The following DOCK9 variants were observed in gnomAD, a reference collection of about 807,000 sequenced individuals.
DOCK9 encodes the protein dedicator of cytokinesis protein 9.
Under a neutral mutation model 263.3 loss-of-function variants are expected in DOCK9, and 89 were observed. The observed-to-expected ratio is 0.34, with a 90% CI of 0.28 to 0.40. The LOEUF (loss-of-function observed/expected upper bound fraction) is 0.40, where lower values mean the gene tolerates loss of function less well. Ranked by LOEUF, DOCK9 falls within the 10% of genes least tolerant of loss-of-function variation. The pLI, the probability that DOCK9 is intolerant of heterozygous loss-of-function variation, is 1.00. For missense variants in DOCK9, 2,140 were observed against 2,603.4 expected, an observed-to-expected ratio of 0.82 and a Z score of 3.87; for synonymous variants, 976 against 973.1, an observed-to-expected ratio of 1.00 and a Z score of -0.06.
rs771251071 is a variant in DOCK9 at position 98,888,310 on chromosome 13, CTAAAG to C, written c.1977+45_1977+49del. Reference sequence around the variant, plus strand: ...TATAAAAGAACATGGGACGCTGAATCTAAAGGGAGGGTTTGACATCAAGAATGAAA... The same window carrying C: ...TATAAAAGAACATGGGACGCTGAATCGGAGGGTTTGACATCAAGAATGAAA... On this transcript the variant is annotated intron_variant, in intron 17 of 52. Coordinates refer to ENST00000682017, the MANE Select transcript of DOCK9 (RefSeq NM_001366683.2). 12 of 1,604,652 alleles carry C rather than the reference CTAAAG, an allele frequency of 7.5e-6. No homozygotes were observed. In the East Asian group the frequency reaches 2.7e-4, roughly 36 times the overall value.
chr13:98,829,821 G>T lies in DOCK9; in HGVS notation c.4636-65C>A. 1 of 1,425,744 alleles carries T rather than the reference G, an allele frequency of 7.0e-7. No individual in the cohort carries two copies. The highest frequency in any genetic ancestry group is 1.2e-5 in the South Asian group (1 of 81,246). 88.3% of individuals were successfully genotyped at this position (1,425,744 alleles called of 1,614,324 possible). On this transcript the variant is annotated intron_variant, in intron 41 of 52. Coordinates refer to ENST00000682017, the MANE Select transcript of DOCK9 (RefSeq NM_001366683.2). This position sits in a 1 kb window ranked among gnomAD's most constrained non-coding sequence, Gnocchi z 4.1. ...AAATGACTGCCCAGGCTGGGCTTCT[G>T]CGTTCAGTTAGGATGTGCCTAAGGA... is the stretch of plus-strand genomic sequence containing the variant.
intron 13 of DOCK9, 64 bp from the exon 14 acceptor site, chr13:98,898,325 A>T (rs1242685714): frequency 5.0e-5 from 64 of 1,283,652 alleles, no homozygotes; most frequent in Non-Finnish European, 7.0e-5. Flanking sequence ...TGACCTCAAG[A>T]GCCATCCTTA....
intron 13 of DOCK9, among the ~76,000 whole-genome samples, chr13:98,899,689 A>G (rs755905452): frequency 1.3e-5 from 2 of 152,216 alleles, no homozygotes; most frequent in Non-Finnish European, 2.9e-5. Flanking sequence ...GGTTCTAACA[A>G]TGATGAATAT....
chr13:98,986,615 C>G (rs1878519209), intron 1 of DOCK9, among the ~76,000 whole-genome samples: 1 of 152,192 alleles, frequency 6.6e-6, no homozygotes, highest in African/African-American at 2.4e-5. Context: ...ATAATATCAT[C>G]AGCAGCAAAG....
chr13:99,044,511 C>T, intron 1 of DOCK9, among the ~76,000 whole-genome samples: 1 of 152,212 alleles, frequency 6.6e-6, no homozygotes, highest in Non-Finnish European at 1.5e-5. Context: ...GACCACCACA[C>T]CATGGCAACC....
intron 27 of DOCK9, among the ~76,000 whole-genome samples, chr13:98,875,018 C>T (rs2094292702): frequency 2.0e-5 from 3 of 152,180 alleles, no homozygotes; most frequent in Non-Finnish European, 4.4e-5. Context: ...GGTACTCATT[C>T]TCCTATCCCT....
At chr13:98,980,845 T>C (rs1179581102), upstream of DOCK9, among the ~76,000 whole-genome samples, 1 of 152,176 alleles carries the variant, frequency 6.6e-6, no homozygotes, top group East Asian at 1.9e-4. Context: ...CCCCACATGT[T>C]CATGTCATGA....
At chr13:98,915,149 T>C (rs1489794063) in intron 8 of DOCK9, among the ~76,000 whole-genome samples, 180 bp downstream of exon 8, 6 of 148,842 alleles carry the variant, frequency 4.0e-5, no homozygotes, top group Non-Finnish European at 6.0e-5. Flanking sequence ...ATATACGAAA[T>C]GTCAGGGAAG....
At chr13:98,842,323 G>A (rs1236509373) in intron 38 of DOCK9, among the ~76,000 whole-genome samples, 1 of 152,180 alleles carries the variant, frequency 6.6e-6, no homozygotes, top group Non-Finnish European at 1.5e-5. Context: ...CTCAGCACAT[G>A]CCACTCAAGG....
At position 98,965,780 on chromosome 13, in the gene DOCK9, T is replaced by C. The variant is rs142619634; in HGVS notation, c.127-10229A>G. ...TTTGGAGAATATTTGGAAGAATGCA[T>C]AAGAAACACCAAACTCCCAGACATC... On this transcript the variant is annotated intron_variant, in intron 1 of 52. Coordinates refer to ENST00000682017, the MANE Select transcript of DOCK9 (RefSeq NM_001366683.2). Among the ~76,000 whole-genome samples the C allele has an allele frequency of 2.4e-4, 36 of 152,322 alleles. No homozygotes were observed. The East Asian group carries it at 6.7e-3, about 29-fold the overall frequency.
chr13:99,027,150 G>C (rs1886833640), intron 1 of DOCK9, among the ~76,000 whole-genome samples: 1 of 152,064 alleles, frequency 6.6e-6, no homozygotes, highest in Admixed American at 6.6e-5. Flanking sequence ...CTCCCAAGTA[G>C]CTGGAACTAC....
chr13:98,943,374 AC>A (rs1160841314), intron 2 of DOCK9, among the ~76,000 whole-genome samples: 1 of 152,198 alleles, frequency 6.6e-6, no homozygotes, highest in Non-Finnish European at 1.5e-5. Context: ...CTTCTAGGCA[AC>A]CCTGGTAGAA....
rs1030830291 is a variant in DOCK9 at position 98,825,465 on chromosome 13, C to A, written c.5024-961G>T. Among the ~76,000 whole-genome samples the A allele has an allele frequency of 2.0e-5, 3 of 152,180 alleles. No individual in the cohort carries two copies. Among genetic ancestry groups the A allele is most frequent in the Non-Finnish European group, 4.4e-5 (3 of 68,028 alleles). On this transcript the variant is annotated intron_variant, in intron 44 of 52. Transcript: ENST00000682017. The surrounding 1 kb of genome is among the most constrained non-coding windows in gnomAD (Gnocchi z 4.1). ...CAGAGATTTTTCTGCTGCACATGAT[C>A]CCAGGTTTCTACACTATTCATGGAT... is the stretch of plus-strand genomic sequence containing the variant.
chr13:98,837,779 G>C (rs1322043102), intron 38 of DOCK9, among the ~76,000 whole-genome samples, 170 bp from the exon 39 acceptor site: 1 of 151,364 alleles, frequency 6.6e-6, no homozygotes, highest in Admixed American at 6.6e-5. Context: ...GGAAGGAAGG[G>C]AGAAAGTAGT....
At chr13:98,798,203 G>A (rs957069413) in intron 50 of DOCK9, among the ~76,000 whole-genome samples, 13 of 152,198 alleles carry the variant, frequency 8.5e-5, no homozygotes, top group South Asian at 4.1e-4. Flanking sequence ...TGTTCCAGGC[G>A]TCTGAGACAG....
At position 98,885,697 on chromosome 13, in the gene DOCK9, G is replaced by GC. The variant is rs746958925; in HGVS notation, c.2260+10dup. The GC allele has an allele frequency of 6.9e-6, 11 of 1,599,202 alleles. No individual in the cohort carries two copies. Among genetic ancestry groups the GC allele is most frequent in the African/African-American group, 2.7e-5 (2 of 74,094 alleles). ...TTATTTAAAATCAAAGGAATGGTAA[G>GC]CCCCCCCAACCTTGGGTTTCAACGA... On this transcript the variant is annotated intron_variant, in intron 20 of 52. Coordinates refer to ENST00000682017, the MANE Select transcript of DOCK9 (RefSeq NM_001366683.2).
At chr13:98,821,988 G>A (rs1449841771) in intron 45 of DOCK9, among the ~76,000 whole-genome samples, 1 of 152,054 alleles carries the variant, frequency 6.6e-6, no homozygotes, top group Non-Finnish European at 1.5e-5. Flanking sequence ...CAACATCCTG[G>A]CAGCCAATGC....
intron 1 of DOCK9, among the ~76,000 whole-genome samples, chr13:99,073,935 C>T (rs1354882105): frequency 6.6e-6 from 1 of 152,210 alleles, no homozygotes; most frequent in South Asian, 2.1e-4. Context: ...CCATCCTTTG[C>T]TGGCATTAGA....
intron 1 of DOCK9, among the ~76,000 whole-genome samples, chr13:99,023,241 CAG>C (rs1377495362): frequency 6.6e-6 from 1 of 152,216 alleles, no homozygotes; most frequent in Non-Finnish European, 1.5e-5. Flanking sequence ...AAGTGTCCAT[CAG>C]TGGATGAACA....
Sources: allele counts gnomAD v4.1 joint callset (sites outside exome capture counted in the v4.1 genomes callset), GRCh38; gene constraint gnomAD v4.1.1; non-coding constraint Gnocchi (gnomAD v3.1); transcripts MANE v1.5; gene names NCBI Gene and HGNC (gene_info 2026-07-23, HGNC 2026-07-21).